Variants in GMDS observed in about 807,000 individuals in gnomAD.
GMDS encodes the protein GDP-mannose 4,6 dehydratase.
GMDS carries 20 observed loss-of-function variants against 49.9 expected under a neutral mutation model. That is an observed-to-expected ratio of 0.40 (90% CI 0.28 to 0.58). The LOEUF (loss-of-function observed/expected upper bound fraction) is 0.58, where lower values mean the gene tolerates loss of function less well. Ranked by LOEUF, GMDS falls within the 20% of genes least tolerant of loss-of-function variation. The pLI is 0.42. For synonymous variants in GMDS, 177 were observed against 178.6 expected (o/e 0.99, Z 0.07); for missense variants, 362 against 481.4 (o/e 0.75, Z 2.32).
At position 1,688,042 on chromosome 6, in the gene GMDS, C is replaced by T. The variant is rs536629396; in HGVS notation, c.987+38374G>A. Among the ~76,000 whole-genome samples, 56 of 152,226 alleles carry T rather than the reference C, an allele frequency of 3.7e-4. 1 individual carries two copies. In the South Asian group the frequency reaches 4.6e-3, roughly 12 times the overall value. On this transcript the variant is annotated intron_variant, in intron 9 of 10. Transcript: ENST00000380815. ...GCTGTAGGAGGGCAAGAATGGAGGC[C>T]GTGAGGCTCTTAAATCCACAGCAGA...
rs761508278 is a variant in GMDS, at chr6:1,930,220, GA to G, written c.653del (p.Phe218SerfsTer10). ...CTGACCGGCTAATTTTTCGAGTAAC[GA>G]AATTAGCTCCTAAAAAGAGGCAAAA... ...NHESPRRGAN[F>X]VTRKISRSVA... is the part of the protein sequence containing the mutation. On this transcript the variant is annotated frameshift_variant, in exon 7 of 11. Coordinates refer to ENST00000380815, the MANE Select transcript of GMDS (RefSeq NM_001500.4). LOFTEE classifies it high-confidence loss of function. The G allele has an allele frequency of 5.6e-6, 9 of 1,612,394 alleles. No homozygotes were observed. The highest frequency in any genetic ancestry group is 5.9e-6 in the Non-Finnish European group (7 of 1,178,962).
intron 9 of GMDS, among the ~76,000 whole-genome samples, chr6:1,664,611 A>T (rs1221165284): frequency 6.6e-6 from 1 of 152,210 alleles, no homozygotes; most frequent in African/African-American, 2.4e-5. Context: ...AGTATAAGCC[A>T]TACTGGTTAG....
intron 6 of GMDS, among the ~76,000 whole-genome samples, chr6:1,944,035 C>T (rs1237968273): frequency 2.6e-5 from 4 of 152,124 alleles, no homozygotes; most frequent in African/African-American, 9.7e-5. Context: ...CACATCGTTC[C>T]ACATCATGTT....
At chr6:1,680,521 G>A (rs1004641500) in intron 9 of GMDS, among the ~76,000 whole-genome samples, 9 of 132,578 alleles carry the variant, frequency 6.8e-5, no homozygotes, top group East Asian at 6.0e-4. Context: ...GTTCTGATCC[G>A]GCACCGTGAC....
chr6:1,911,507 A>G (rs1039180361), intron 7 of GMDS, among the ~76,000 whole-genome samples: 2 of 152,064 alleles, frequency 1.3e-5, no homozygotes, highest in African/African-American at 4.8e-5. Flanking sequence ...GGCAGAAAAA[A>G]CAGACGTTTA....
intron 1 of GMDS, among the ~76,000 whole-genome samples, chr6:2,159,189 T>C (rs974133409): frequency 6.6e-6 from 1 of 152,204 alleles, no homozygotes; most frequent in Non-Finnish European, 1.5e-5. Context: ...AAATTCCTTC[T>C]ACGTATAGTT....
chr6:1,796,389 T>C (rs986118987), intron 7 of GMDS, among the ~76,000 whole-genome samples: 1 of 152,212 alleles, frequency 6.6e-6, no homozygotes, highest in African/African-American at 2.4e-5. Context: ...CTTAGTGTAT[T>C]TTCAGACCCT....
At chr6:1,644,193 C>CA (rs1371381115) in intron 9 of GMDS, among the ~76,000 whole-genome samples, 1 of 152,228 alleles carries the variant, frequency 6.6e-6, no homozygotes, top group Non-Finnish European at 1.5e-5. Flanking sequence ...TCCAGGGACC[C>CA]ACGCGGGGAG....
At chr6:1,892,964 A>T (rs546211397) in intron 7 of GMDS, among the ~76,000 whole-genome samples, 1 of 152,244 alleles carries the variant, frequency 6.6e-6, no homozygotes, top group South Asian at 2.1e-4. Context: ...AGAGTTCCAC[A>T]CTAGCTCCTT....
chr6:1,988,795 T>C (rs557245625), intron 4 of GMDS, among the ~76,000 whole-genome samples: 2 of 152,126 alleles, frequency 1.3e-5, no homozygotes, highest in Admixed American at 1.3e-4. Context: ...ATATTTTGAA[T>C]GTTTGTTAGC....
At chr6:1,976,358 C>A (rs922913540) in intron 4 of GMDS, among the ~76,000 whole-genome samples, 1 of 152,174 alleles carries the variant, frequency 6.6e-6, no homozygotes, top group African/African-American at 2.4e-5. Context: ...AATTTAATAA[C>A]AGGAACTACC....
intron 9 of GMDS, among the ~76,000 whole-genome samples, chr6:1,631,699 G>A (rs980440044): frequency 6.6e-5 from 10 of 151,166 alleles, no homozygotes; most frequent in Admixed American, 4.6e-4. Flanking sequence ...TATAAATAAC[G>A]TAACAGGGTC....
chr6:2,113,761 T>C (rs1312222477), intron 4 of GMDS, among the ~76,000 whole-genome samples: 1 of 152,072 alleles, frequency 6.6e-6, no homozygotes, highest in African/African-American at 2.4e-5. Flanking sequence ...CAGAGGTGTA[T>C]CTGACACAGC....
intron 7 of GMDS, among the ~76,000 whole-genome samples, chr6:1,827,778 G>C (rs1333319040): frequency 6.6e-6 from 1 of 152,172 alleles, no homozygotes; most frequent in Admixed American, 6.5e-5. Context: ...CCCTGGCACA[G>C]ACACACCCTA....
chr6:1,682,864 C>T (rs1477967750), intron 9 of GMDS, among the ~76,000 whole-genome samples: 44 of 2,546 alleles, frequency 0.017, 18 homozygotes, highest in African/African-American at 0.064. Flanking sequence ...CCACCGCGCC[C>T]GGCCTCATTT....
intron 4 of GMDS, among the ~76,000 whole-genome samples, chr6:2,059,175 C>CAAAAAAAAAA (rs55832305): frequency 2.3e-4 from 7 of 30,016 alleles, no homozygotes; most frequent in African/African-American, 9.2e-4. Context: ...TCCTCTGTCT[C>CAAAAAAAAAA]AAAAAAAAAA....
chr6:2,006,552 G>T (rs1391741820), intron 4 of GMDS, among the ~76,000 whole-genome samples: 1 of 152,090 alleles, frequency 6.6e-6, no homozygotes, highest in Non-Finnish European at 1.5e-5. Flanking sequence ...CTTAACAACT[G>T]CCACAAAATA....
intron 9 of GMDS, among the ~76,000 whole-genome samples, chr6:1,669,481 C>T (rs1418244458): frequency 6.6e-6 from 1 of 152,174 alleles, no homozygotes; most frequent in Non-Finnish European, 1.5e-5. Flanking sequence ...GTGGATGACA[C>T]CTTCCTATGT....
At chr6:2,078,748 A>G (rs1471420103) in intron 4 of GMDS, among the ~76,000 whole-genome samples, 1 of 152,110 alleles carries the variant, frequency 6.6e-6, no homozygotes, top group Admixed American at 6.5e-5. Flanking sequence ...TTTGGATAAA[A>G]TGTTCTGTAA....
Sources: allele counts gnomAD v4.1 joint callset (sites outside exome capture counted in the v4.1 genomes callset), GRCh38; gene constraint gnomAD v4.1.1; transcripts MANE v1.5; gene names NCBI Gene and HGNC (gene_info 2026-07-23, HGNC 2026-07-21).